Variants in TAS2R1 observed in about 807,000 individuals in gnomAD.
The protein encoded by TAS2R1 is taste 2 receptor member 1, also known as taste receptor type 2 member 1.
For synonymous variants in TAS2R1, 141 were observed against 134.2 expected, an observed-to-expected ratio of 1.05 and a Z score of -0.35; for missense variants, 370 against 353.4, an observed-to-expected ratio of 1.05 and a Z score of -0.38.
At chr5:9,695,588 TG>T (rs1431350532) in intron 1 of TAS2R1, among the ~76,000 whole-genome samples, 2 of 151,948 alleles carry the variant, frequency 1.3e-5, no homozygotes, top group African/African-American at 2.4e-5. Context: ...TTGGGTGCAC[TG>T]GGGGTGGGAG....
At chr5:9,776,033 G>A in the TAS2R1 span, among the ~76,000 whole-genome samples, 1 of 152,118 alleles carries the variant, frequency 6.6e-6, no homozygotes, top group Non-Finnish European at 1.5e-5. Context: ...TTGCAGTTCT[G>A]GTGACCCAGA....
the TAS2R1 span, among the ~76,000 whole-genome samples, chr5:9,806,989 T>C: frequency 1.3e-5 from 2 of 152,014 alleles, no homozygotes; most frequent in Non-Finnish European, 2.9e-5. Context: ...AAAGTCTTCA[T>C]AATCTATACA....
intron 1 of TAS2R1, among the ~76,000 whole-genome samples, chr5:9,675,241 A>G (rs1740850431): frequency 6.6e-6 from 1 of 151,092 alleles, no homozygotes; most frequent in Non-Finnish European, 1.5e-5. Context: ...TTAATATGCT[A>G]ATATATTCCA....
chr5:9,890,322 A>G, the TAS2R1 span, among the ~76,000 whole-genome samples: 9 of 152,294 alleles, frequency 5.9e-5, no homozygotes, highest in East Asian at 9.6e-4. Flanking sequence ...ATGTCCACCC[A>G]TGACCTCACA....
chr5:9,718,883 A>AG, the TAS2R1 span, among the ~76,000 whole-genome samples: 1 of 152,238 alleles, frequency 6.6e-6, no homozygotes, highest in Non-Finnish European at 1.5e-5. Context: ...ATTAAAAAAA[A>AG]AAATCAATGT....
At chr5:9,750,697 C>T in the TAS2R1 span, among the ~76,000 whole-genome samples, 1 of 152,170 alleles carries the variant, frequency 6.6e-6, no homozygotes, top group African/African-American at 2.4e-5. Context: ...TGCTTCCAAA[C>T]AGTTGGAGCA....
chr5:9,648,663 T>A (rs1740245079), intron 2 of TAS2R1, among the ~76,000 whole-genome samples: 1 of 151,808 alleles, frequency 6.6e-6, no homozygotes. Flanking sequence ...CAATAATCCC[T>A]TACAGGATCT....
upstream of TAS2R1, among the ~76,000 whole-genome samples, chr5:9,634,977 A>G: frequency 6.6e-6 from 1 of 152,266 alleles, no homozygotes; most frequent in East Asian, 1.9e-4. Flanking sequence ...GACTTCCAGT[A>G]CTATGTTGAA....
chr5:9,681,531 CAAA>C (rs10681888), intron 1 of TAS2R1, among the ~76,000 whole-genome samples: 1,290 of 87,892 alleles, frequency 0.015, 60 homozygotes, highest in Non-Finnish European at 0.02. Context: ...CATGTTTCTG[CAAA>C]AAAAAAAAAA....
At chr5:9,743,714 G>C in the TAS2R1 span, among the ~76,000 whole-genome samples, 2 of 152,120 alleles carry the variant, frequency 1.3e-5, no homozygotes, top group Admixed American at 1.3e-4. Flanking sequence ...CATAGACTTG[G>C]CATTTGCTTC....
At chr5:9,787,108 C>G in the TAS2R1 span, among the ~76,000 whole-genome samples, 1 of 152,130 alleles carries the variant, frequency 6.6e-6, no homozygotes, top group African/African-American at 2.4e-5. Flanking sequence ...AGAGATGTTG[C>G]GCCATGCATT....
the TAS2R1 span, among the ~76,000 whole-genome samples, chr5:9,735,889 C>G: frequency 6.6e-6 from 1 of 152,200 alleles, no homozygotes. Flanking sequence ...TTCCCTCTAA[C>G]TTGCTTCCAC....
chr5:9,646,431 C>T (rs1316202530), intron 2 of TAS2R1, among the ~76,000 whole-genome samples: 1 of 152,100 alleles, frequency 6.6e-6, no homozygotes, highest in Non-Finnish European at 1.5e-5. Context: ...TATGAATTTG[C>T]ATATATGTGG....
chr5:9,794,230 A>G, the TAS2R1 span, among the ~76,000 whole-genome samples: 1 of 152,178 alleles, frequency 6.6e-6, no homozygotes. Context: ...TGTGGTTTGA[A>G]TTTGAAAGAA....
intron 1 of TAS2R1, among the ~76,000 whole-genome samples, chr5:9,680,646 T>A (rs533076831): frequency 1.3e-5 from 2 of 152,176 alleles, no homozygotes; most frequent in South Asian, 4.2e-4. Flanking sequence ...TAAAGGGGTA[T>A]CCTAAAAAAC....
the TAS2R1 span, among the ~76,000 whole-genome samples, chr5:9,884,704 A>G: frequency 6.6e-6 from 1 of 152,228 alleles, no homozygotes; most frequent in South Asian, 2.1e-4. Flanking sequence ...ATGCTGTCAG[A>G]ATAGCCAGCA....
At chr5:9,772,379 A>T in the TAS2R1 span, among the ~76,000 whole-genome samples, 1 of 151,974 alleles carries the variant, frequency 6.6e-6, no homozygotes, top group Non-Finnish European at 1.5e-5. Flanking sequence ...GCTTGATATC[A>T]TTTCAATTTT....
the TAS2R1 span, among the ~76,000 whole-genome samples, chr5:9,806,644 A>G: frequency 1.3e-5 from 2 of 152,046 alleles, no homozygotes; most frequent in Non-Finnish European, 2.9e-5. Context: ...AACATAAAGT[A>G]GGGAAAGGCC....
At chr5:9,697,494 A>T (rs1195166709) in intron 1 of TAS2R1, among the ~76,000 whole-genome samples, 1 of 152,228 alleles carries the variant, frequency 6.6e-6, no homozygotes, top group East Asian at 1.9e-4. Flanking sequence ...AATAAATTAA[A>T]GTTCAAGTCC....
Sources: allele counts gnomAD v4.1 joint callset (sites outside exome capture counted in the v4.1 genomes callset), GRCh38; gene constraint gnomAD v4.1.1; transcripts MANE v1.5; gene names NCBI Gene and HGNC (gene_info 2026-07-23, HGNC 2026-07-21).